The following ELOVL6 variants were observed in gnomAD, a reference collection of about 807,000 sequenced individuals.
ELOVL6 encodes ELOVL fatty acid elongase 6, also known as very long chain fatty acid elongase 6.
ELOVL6 carries 8 observed loss-of-function variants against 31.7 expected under a neutral mutation model. The observed-to-expected ratio is 0.25, with a 90% CI of 0.15 to 0.45. The LOEUF (loss-of-function observed/expected upper bound fraction) is 0.45, where lower values mean the gene tolerates loss of function less well. Among genes scored for constraint, ELOVL6 ranks in the 20% least tolerant of loss-of-function variants. ELOVL6 has a pLI of 1.00. For missense variants in ELOVL6, 126 were observed against 326.4 expected, an observed-to-expected ratio of 0.39 and a Z score of 4.73; for synonymous variants, 101 against 117.7, an observed-to-expected ratio of 0.86 and a Z score of 0.92.
chr4:110,125,908 T>C (rs1757477998), intron 1 of ELOVL6, among the ~76,000 whole-genome samples: 1 of 152,204 alleles, frequency 6.6e-6, no homozygotes. Context: ...AAGAATGTTT[T>C]TATTACTTTT....
chr4:110,084,185 A>T (rs866463527), intron 2 of ELOVL6, among the ~76,000 whole-genome samples: 14 of 67,588 alleles, frequency 2.1e-4, no homozygotes, highest in African/African-American at 9.1e-4. Context: ...GATATATATA[A>T]CATATAACTT....
intron 2 of ELOVL6, among the ~76,000 whole-genome samples, chr4:110,084,554 A>ATATATATT (rs1421060434): frequency 8.0e-4 from 56 of 69,958 alleles, no homozygotes; most frequent in South Asian, 3.4e-3. Context: ...ACACACACAC[A>ATATATATT]CACACACAGA....
intron 2 of ELOVL6, among the ~76,000 whole-genome samples, chr4:110,081,864 C>T (rs990851723): frequency 1.3e-5 from 2 of 149,660 alleles, no homozygotes; most frequent in African/African-American, 4.9e-5. Context: ...GGTTAATACC[C>T]AGAATCTACA....
At chr4:110,117,903 A>AAAAAAAATATATATAT in intron 1 of ELOVL6, 6 of 6,496 alleles carry the variant, frequency 9.2e-4, no homozygotes, top group Admixed American at 3.8e-3. Context: ...AAAAAAAAAA[A>AAAAAAAATATATATAT]ATATATATAT....
rs1013040468 is a variant in ELOVL6 at position 110,198,571 on chromosome 4, G to T, written c.-236C>A. The T allele has an allele frequency of 4.2e-6, 2 of 473,970 alleles. No homozygotes were observed. The highest frequency in any genetic ancestry group is 7.1e-5 in the East Asian group (2 of 28,054). The allele number at this position is 473,970 out of a possible 1,614,324, so 29.4% of individuals were successfully genotyped here. ...TCTCTGGGGCTCTCCTCCTCCCGGCGTCCGCATCCACCGTAGGAGGAAATG... is the reference window on the plus strand; with the variant it reads ...TCTCTGGGGCTCTCCTCCTCCCGGCTTCCGCATCCACCGTAGGAGGAAATG... On this transcript the variant is annotated 5_prime_UTR_variant, in exon 1 of 4. Transcript: ENST00000302274.
intron 2 of ELOVL6, among the ~76,000 whole-genome samples, chr4:110,080,156 A>T (rs1414494239): frequency 6.6e-6 from 1 of 152,236 alleles, no homozygotes; most frequent in Non-Finnish European, 1.5e-5. Context: ...GAATTCTACC[A>T]GAGGTACAAG....
chr4:110,079,305 C>T (rs951747423), intron 2 of ELOVL6, among the ~76,000 whole-genome samples: 21 of 152,126 alleles, frequency 1.4e-4, no homozygotes, highest in African/African-American at 4.1e-4. Context: ...CAGCACCACA[C>T]CACACCCATT....
At chr4:110,078,735 A>C (rs916090442) in intron 2 of ELOVL6, among the ~76,000 whole-genome samples, 1 of 152,224 alleles carries the variant, frequency 6.6e-6, no homozygotes, top group Non-Finnish European at 1.5e-5. Context: ...ATTCACACAT[A>C]ACCATATTAA....
chr4:110,120,196 G>A (rs765947392), intron 1 of ELOVL6, among the ~76,000 whole-genome samples: 5 of 152,100 alleles, frequency 3.3e-5, no homozygotes, highest in Admixed American at 6.5e-5. Flanking sequence ...GGTAGCAATC[G>A]CTCTGGATAG....
intron 1 of ELOVL6, among the ~76,000 whole-genome samples, chr4:110,151,903 T>C (rs1249299271): frequency 1.3e-5 from 2 of 152,202 alleles, no homozygotes; most frequent in East Asian, 3.8e-4. Context: ...TAATGGATTG[T>C]ACAGGGTACA....
chr4:110,161,693 C>T (rs764427910), intron 1 of ELOVL6, among the ~76,000 whole-genome samples: 68 of 152,226 alleles, frequency 4.5e-4, no homozygotes, highest in Non-Finnish European at 7.5e-4. Context: ...AGAGAAACTA[C>T]GTATGTTAGA....
intron 1 of ELOVL6, among the ~76,000 whole-genome samples, chr4:110,131,744 G>C (rs1375422100): frequency 6.6e-6 from 1 of 152,088 alleles, no homozygotes; most frequent in Non-Finnish European, 1.5e-5. Flanking sequence ...GAGGACCTGG[G>C]GACCTCACTT....
At chr4:110,062,241 C>A (rs1204258758) in intron 2 of ELOVL6, among the ~76,000 whole-genome samples, 1 of 152,184 alleles carries the variant, frequency 6.6e-6, no homozygotes, top group Non-Finnish European at 1.5e-5. Context: ...TTGCTGACAG[C>A]AAGTGTATAG....
In ELOVL6 at chr4:110,183,745, T is replaced by C. The variant is rs565371957; in HGVS notation, c.89+14502A>G. On this transcript the variant is annotated intron_variant, in intron 1 of 3. Transcript: ENST00000302274. Reference sequence around the variant, plus strand: ...TCAGCCAGGCACGGTGGCTCACAGCTGTAATCCCAGCAATCTGGATTGCTT... The same window carrying C: ...TCAGCCAGGCACGGTGGCTCACAGCCGTAATCCCAGCAATCTGGATTGCTT... Among the ~76,000 whole-genome samples, 17 of 152,302 alleles carry C rather than the reference T, an allele frequency of 1.1e-4. 1 individual carries two copies. Among genetic ancestry groups the C allele is most frequent in the African/African-American group, 4.1e-4 (17 of 41,566 alleles).
At chr4:110,058,732 A>C (rs1755062745) in intron 3 of ELOVL6, among the ~76,000 whole-genome samples, 1 of 152,296 alleles carries the variant, frequency 6.6e-6, no homozygotes, top group East Asian at 1.9e-4. Context: ...AAAAATTGCA[A>C]TTGATATCTT....
chr4:110,168,115 A>G (rs76654989), intron 1 of ELOVL6, among the ~76,000 whole-genome samples: 4 of 152,196 alleles, frequency 2.6e-5, no homozygotes, highest in African/African-American at 9.7e-5. Context: ...AGTGAACATA[A>G]AAGAGATTCA....
rs190186007 is a variant in ELOVL6, at chr4:110,138,112, C to G, written c.90-32484G>C. Among the ~76,000 whole-genome samples, 6 of 152,304 alleles carry G rather than the reference C, an allele frequency of 3.9e-5. No homozygotes were observed. In the East Asian group the frequency reaches 5.8e-4, roughly 15 times the overall value. On this transcript the variant is annotated intron_variant, in intron 1 of 3. Coordinates refer to ENST00000302274, the MANE Select transcript of ELOVL6 (RefSeq NM_024090.3). ...TGCTTAGGTTTCTAAAGAGCAGTGA[C>G]CTAATACAACATGCTCTATAATTTA...
At chr4:110,097,138 T>C (rs1364553026) in intron 2 of ELOVL6, among the ~76,000 whole-genome samples, 5 of 151,932 alleles carry the variant, frequency 3.3e-5, no homozygotes, top group Non-Finnish European at 5.9e-5. Flanking sequence ...AAACCCTGCC[T>C]CTACTAAAAA....
intron 2 of ELOVL6, among the ~76,000 whole-genome samples, chr4:110,102,678 GA>G (rs1484794369): frequency 6.6e-6 from 1 of 151,178 alleles, no homozygotes; most frequent in Admixed American, 6.6e-5. Flanking sequence ...AAAAAGTAAA[GA>G]TGATAGATTA....
Sources: allele counts gnomAD v4.1 joint callset (sites outside exome capture counted in the v4.1 genomes callset), GRCh38; gene constraint gnomAD v4.1.1; transcripts MANE v1.5; gene names NCBI Gene and HGNC (gene_info 2026-07-23, HGNC 2026-07-21).